Variants in SKIC3 observed in about 807,000 individuals in gnomAD.
SKIC3 encodes superkiller complex protein 3.
chr5:95,538,691 T>G, the SKIC3 span, among the ~76,000 whole-genome samples: 2 of 152,154 alleles, frequency 1.3e-5, no homozygotes, highest in Non-Finnish European at 2.9e-5. Flanking sequence ...AACCAATTAT[T>G]TTTTAGTCTT....
At chr5:95,538,103 A>G in the SKIC3 span, among the ~76,000 whole-genome samples, 2 of 152,154 alleles carry the variant, frequency 1.3e-5, no homozygotes, top group African/African-American at 4.8e-5. Flanking sequence ...TATTACTAAC[A>G]GTTAGAAATC....
At chr5:95,517,168 CA>C in the SKIC3 span, 2 of 1,613,174 alleles carry the variant, frequency 1.2e-6, no homozygotes, top group Non-Finnish European at 1.7e-6. Context: ...TGGAGGAGCT[CA>C]TTTTTCTTTA....
chr5:95,479,140 C>G, the SKIC3 span, among the ~76,000 whole-genome samples: 41 of 152,188 alleles, frequency 2.7e-4, no homozygotes, highest in African/African-American at 9.9e-4. Context: ...TAGCAAGGTG[C>G]TGGAAAGTCA....
the SKIC3 span, chr5:95,498,436 G>C: frequency 6.2e-7 from 1 of 1,614,124 alleles, no homozygotes; most frequent in Non-Finnish European, 8.5e-7. Context: ...ATAAATCGCT[G>C]ATGTAAGAAG....
chr5:95,507,062 T>TA, the SKIC3 span: 1 of 1,519,442 alleles, frequency 6.6e-7, no homozygotes, highest in Non-Finnish European at 9.1e-7. Flanking sequence ...AGCATTCTGT[T>TA]ACCTTCCTCT....
At chr5:95,539,149 C>T in the SKIC3 span, among the ~76,000 whole-genome samples, 1 of 151,064 alleles carries the variant, frequency 6.6e-6, no homozygotes, top group Non-Finnish European at 1.5e-5. Context: ...ACATACAATC[C>T]TTTTTTTTTG....
chr5:95,543,091 T>C, the SKIC3 span: 1,429 of 1,464,094 alleles, frequency 9.8e-4, 10 homozygotes, highest in African/African-American at 0.017. Context: ...CAAATGTAGG[T>C]TTAAATGCTT....
At chr5:95,515,595 G>A in the SKIC3 span, among the ~76,000 whole-genome samples, 1 of 151,982 alleles carries the variant, frequency 6.6e-6, no homozygotes, top group African/African-American at 2.4e-5. Context: ...CACATCCATA[G>A]CTTATTAAGA....
At chr5:95,504,944 G>A in the SKIC3 span, among the ~76,000 whole-genome samples, 2 of 152,016 alleles carry the variant, frequency 1.3e-5, no homozygotes, top group Non-Finnish European at 2.9e-5. Context: ...GGCGGAGGTT[G>A]CAATGAGCCG....
chr5:95,516,871 A>G, the SKIC3 span: 1 of 1,559,116 alleles, frequency 6.4e-7, no homozygotes, highest in Admixed American at 1.9e-5. Context: ...CGAGAAAAGC[A>G]TTATGTTTTT....
At chr5:95,517,817 A>G in the SKIC3 span, among the ~76,000 whole-genome samples, 30 of 152,196 alleles carry the variant, frequency 2.0e-4, no homozygotes, top group East Asian at 5.0e-3. Flanking sequence ...CAGGACAACA[A>G]TGTTGAGAAG....
the SKIC3 span, chr5:95,482,695 A>T: frequency 6.3e-7 from 1 of 1,577,362 alleles, no homozygotes; most frequent in Non-Finnish European, 8.7e-7. Context: ...AGTAAAAAGC[A>T]TTATTCTCCA....
At chr5:95,486,642 C>T in the SKIC3 span, among the ~76,000 whole-genome samples, 2 of 152,310 alleles carry the variant, frequency 1.3e-5, no homozygotes, top group Non-Finnish European at 2.9e-5. Context: ...CCTGGGGCCT[C>T]GGGATTGCCC....
At chr5:95,543,423 T>C in the SKIC3 span, 2 of 1,389,008 alleles carry the variant, frequency 1.4e-6, no homozygotes, top group East Asian at 2.3e-5. Flanking sequence ...GAAATCTATA[T>C]CTACCACTTA....
chr5:95,517,986 T>C, the SKIC3 span, among the ~76,000 whole-genome samples: 1 of 152,044 alleles, frequency 6.6e-6, no homozygotes. Context: ...CCTTCTGCCA[T>C]AGGATGACCC....
At chr5:95,478,713 A>G in the SKIC3 span, among the ~76,000 whole-genome samples, 2 of 152,218 alleles carry the variant, frequency 1.3e-5, no homozygotes, top group Non-Finnish European at 2.9e-5. Context: ...AAGAATGCAA[A>G]GTTGGCTTAA....
chr5:95,512,494 A>G, the SKIC3 span: 1 of 1,613,920 alleles, frequency 6.2e-7, no homozygotes, highest in African/African-American at 1.3e-5. Context: ...TTTATTCAAA[A>G]TAACTTGTGC....
the SKIC3 span, among the ~76,000 whole-genome samples, chr5:95,538,359 C>T: frequency 6.6e-6 from 1 of 152,084 alleles, no homozygotes; most frequent in Non-Finnish European, 1.5e-5. Context: ...CATGTTATCA[C>T]ACACAAAAAA....
At chr5:95,464,667 A>G in the SKIC3 span, 1 of 1,613,284 alleles carries the variant, frequency 6.2e-7, no homozygotes, top group South Asian at 1.1e-5. Context: ...GAGTTTTGGC[A>G]TTGTTTACCA....
Sources: allele counts gnomAD v4.1 joint callset (sites outside exome capture counted in the v4.1 genomes callset), GRCh38; gene constraint gnomAD v4.1.1; transcripts MANE v1.5; gene names NCBI Gene and HGNC (gene_info 2026-07-23, HGNC 2026-07-21).